NRG3: variants seen among roughly 807,000 people sequenced by gnomAD.
NRG3 encodes neuregulin 3.
NRG3 carries 31 observed loss-of-function variants against 66.9 expected under a neutral mutation model. The ratio of observed to expected loss-of-function variants is 0.46; its 90% CI spans 0.35 to 0.63. The LOEUF is 0.63. Ranked by LOEUF, NRG3 falls within the 20% of genes least tolerant of loss-of-function variation. The probability of loss-of-function intolerance (pLI) is 0.00; values close to 1 mark genes in which losing one functional copy is unlikely to be tolerated. For synonymous variants in NRG3, 393 were observed against 359.4 expected, an observed-to-expected ratio of 1.09 and a Z score of -1.06; for missense variants, 910 against 878.9, an observed-to-expected ratio of 1.04 and a Z score of -0.45.
chr10:82,816,804 C>G (rs959973690), intron 3 of NRG3, among the ~76,000 whole-genome samples: 1 of 152,188 alleles, frequency 6.6e-6, no homozygotes, highest in Non-Finnish European at 1.5e-5. Context: ...CAGCAGAGCA[C>G]GCAGCCCCAG....
At position 82,248,947 on chromosome 10, in the gene NRG3, G is replaced by A. The variant is rs145182339; in HGVS notation, c.824-109792G>A. 9.0e-3 allele frequency among the ~76,000 whole-genome samples: 1,362 copies of A among 152,044 alleles called. 12 individuals carry two copies. The highest frequency in any genetic ancestry group is 0.015 in the Non-Finnish European group (1,035 of 67,984). On this transcript the variant is annotated intron_variant, in intron 1 of 8. Transcript: ENST00000372141. The stretch of plus-strand genomic sequence containing the variant: ...AGTACTGATGTCTCCCTTCCCCACC[G>A]TGCTTTCCTTACTTTCTAGAATTGT...
At chr10:82,666,362 A>G (rs1239433960) in intron 2 of NRG3, among the ~76,000 whole-genome samples, 2 of 152,188 alleles carry the variant, frequency 1.3e-5, no homozygotes, top group African/African-American at 4.8e-5. Flanking sequence ...TTAATGGAAA[A>G]TTAAATTCAA....
chr10:82,620,811 A>G (rs969205275), intron 2 of NRG3, among the ~76,000 whole-genome samples: 1 of 151,990 alleles, frequency 6.6e-6, no homozygotes, highest in Admixed American at 6.6e-5. Context: ...TCCTGCCTCT[A>G]TCATTAACAC....
chr10:82,871,744 A>G (rs572553171), intron 4 of NRG3, among the ~76,000 whole-genome samples: 1 of 152,210 alleles, frequency 6.6e-6, no homozygotes, highest in South Asian at 2.1e-4. Flanking sequence ...TAGGAAAATT[A>G]TTGACTTTAC....
intron 1 of NRG3, among the ~76,000 whole-genome samples, chr10:82,205,446 C>T (rs973335132): frequency 2.0e-5 from 3 of 151,990 alleles, no homozygotes; most frequent in African/African-American, 4.8e-5. Flanking sequence ...ATTACGTCCA[C>T]GAATATAGAA....
At chr10:81,923,917 T>C (rs1846512093) in intron 1 of NRG3, among the ~76,000 whole-genome samples, 1 of 152,156 alleles carries the variant, frequency 6.6e-6, no homozygotes, top group Non-Finnish European at 1.5e-5. Flanking sequence ...AGGGTGAGCA[T>C]GTAGAAACAG....
chr10:82,596,118 A>G (rs1018904927), intron 2 of NRG3, among the ~76,000 whole-genome samples: 26 of 152,206 alleles, frequency 1.7e-4, no homozygotes, highest in Admixed American at 1.7e-3. Flanking sequence ...CTAGGCCTAA[A>G]TATAATGAAC....
At chr10:82,192,165 C>T (rs553118451) in intron 1 of NRG3, among the ~76,000 whole-genome samples, 2 of 152,270 alleles carry the variant, frequency 1.3e-5, no homozygotes, top group South Asian at 4.1e-4. Flanking sequence ...GTCAGTAACT[C>T]AGTGCAACCC....
intron 2 of NRG3, among the ~76,000 whole-genome samples, chr10:82,388,586 T>C (rs1179334174): frequency 6.6e-6 from 1 of 152,306 alleles, no homozygotes; most frequent in South Asian, 2.1e-4. Flanking sequence ...TTGAATTGTG[T>C]ACATTTATAA....
intron 2 of NRG3, among the ~76,000 whole-genome samples, chr10:82,431,937 A>G (rs1167373877): frequency 6.6e-6 from 1 of 152,212 alleles, no homozygotes; most frequent in Non-Finnish European, 1.5e-5. Flanking sequence ...TGCTTATCAA[A>G]CTTATTCTTT....
intron 2 of NRG3, among the ~76,000 whole-genome samples, chr10:82,706,993 CAAAAA>C (rs200718701): frequency 1.6e-5 from 2 of 123,310 alleles, no homozygotes; most frequent in East Asian, 2.3e-4. Context: ...GACTCCATCT[CAAAAA>C]AAAAAAATAA....
At chr10:82,870,832 A>C (rs964601016) in intron 4 of NRG3, among the ~76,000 whole-genome samples, 9 of 152,106 alleles carry the variant, frequency 5.9e-5, no homozygotes, top group African/African-American at 2.2e-4. Context: ...CCTTTATTAG[A>C]TATATCTTTT....
chr10:82,613,161 T>C (rs1323454694), intron 2 of NRG3, among the ~76,000 whole-genome samples: 1 of 152,174 alleles, frequency 6.6e-6, no homozygotes, highest in East Asian at 1.9e-4. Context: ...TCCCAGTTAG[T>C]CTTGGGAGAT....
At chr10:82,009,779 GA>G (rs2132622471) in intron 1 of NRG3, among the ~76,000 whole-genome samples, 1 of 152,316 alleles carries the variant, frequency 6.6e-6, no homozygotes, top group African/African-American at 2.4e-5. Flanking sequence ...AAATCCCTGG[GA>G]TCAGACCTTT....
intron 1 of NRG3, among the ~76,000 whole-genome samples, chr10:81,971,744 G>A (rs1301131312): frequency 6.6e-6 from 1 of 152,198 alleles, no homozygotes; most frequent in Non-Finnish European, 1.5e-5. Context: ...TCTTGAAAAG[G>A]AGATAAAGCT....
At chr10:82,124,492 T>C (rs915420708) in intron 1 of NRG3, among the ~76,000 whole-genome samples, 1 of 151,870 alleles carries the variant, frequency 6.6e-6, no homozygotes, top group South Asian at 2.1e-4. Context: ...AAACACTGCA[T>C]GTTCTCACTC....
At chr10:82,384,931 C>A (rs1018522566) in intron 2 of NRG3, among the ~76,000 whole-genome samples, 29 of 152,168 alleles carry the variant, frequency 1.9e-4, no homozygotes, top group African/African-American at 6.5e-4. Context: ...CACAACCTCG[C>A]CAACATCTGT....
chr10:82,716,683 A>T (rs562151167), intron 2 of NRG3, among the ~76,000 whole-genome samples: 2 of 152,220 alleles, frequency 1.3e-5, no homozygotes, highest in African/African-American at 4.8e-5. Context: ...GAAAGGTGTT[A>T]GGAAGAAATC....
At chr10:82,948,400 G>C (rs945961890) in intron 4 of NRG3, among the ~76,000 whole-genome samples, 10 of 152,048 alleles carry the variant, frequency 6.6e-5, no homozygotes, top group Non-Finnish European at 1.0e-4. Flanking sequence ...TTTGGCTACT[G>C]TAGATCTTTT....
Sources: gnomAD v4.1 joint callset for allele counts (sites outside exome capture counted in the v4.1 genomes callset) on GRCh38, gnomAD v4.1.1 for gene constraint, MANE v1.5 for transcripts, NCBI Gene and HGNC (gene_info 2026-07-23, HGNC 2026-07-21) for gene names.